ARRB2: variants seen among roughly 807,000 people sequenced by gnomAD.
The protein encoded by ARRB2 is arrestin beta 2.
A neutral mutation model predicts 53.4 loss-of-function variants in ARRB2; 21 were observed. The ratio of observed to expected loss-of-function variants is 0.39; its 90% CI spans 0.28 to 0.57. ARRB2 has a LOEUF of 0.57. Among genes scored for constraint, ARRB2 ranks in the 20% least tolerant of loss-of-function variants. The pLI is 0.55. For missense variants in ARRB2, 369 were observed against 527.5 expected, an observed-to-expected ratio of 0.70 and a Z score of 2.94; for synonymous variants, 180 against 212.9, an observed-to-expected ratio of 0.85 and a Z score of 1.34.
At chr17:4,715,360 A>C in intron 2 of ARRB2, 1 of 416,542 alleles carries the variant, frequency 2.4e-6, no homozygotes, top group Non-Finnish European at 4.3e-6. Flanking sequence ...GGAAAACCTA[A>C]CAGCCCCCGG....
rs1449439963 is a variant in ARRB2, at chr17:4,721,369, C to G, written c.*330C>G. The G allele has an allele frequency of 6.9e-6, 3 of 431,898 alleles. No homozygotes were observed. Among genetic ancestry groups the G allele is most frequent in the South Asian group, 7.1e-5 (1 of 14,034 alleles). 26.8% of individuals were successfully genotyped at this position (431,898 alleles called of 1,614,324 possible). A position where few individuals can be genotyped will look rare whatever the true frequency, so the allele number is the denominator to read the frequency against. The stretch of plus-strand genomic sequence containing the variant: ...GAAAGGGGGAGACAAAACTCCTACT[C>G]TCAACCTCACACCAACACCTCCCAT... On this transcript the variant is annotated 3_prime_UTR_variant, in exon 15 of 15. Transcript: ENST00000269260. The surrounding 1 kb of genome is among the most constrained non-coding windows in gnomAD (Gnocchi z 4.2).
chr17:4,719,351 G>T lies in ARRB2; in HGVS notation c.848G>T (p.Arg283Leu). 6.2e-7 allele frequency: 1 copy of T among 1,614,134 alleles called. No homozygotes were observed. Among genetic ancestry groups the T allele is most frequent in the Non-Finnish European group, 8.5e-7 (1 of 1,180,006 alleles). The change falls in exon 11 of 15, where the codon CGG becomes CTG. Residue 283 changes from arginine to leucine, a missense_variant. Coordinates refer to ENST00000269260, the MANE Select transcript of ARRB2 (RefSeq NM_004313.4). ...ATAACCCCACTGCTCAGCGACAACC[G>T]GGAGAAGCGGGGTCTCGCCCTGGAT... is the stretch of plus-strand genomic sequence containing the variant. ...YTITPLLSDN[R>L]EKRGLALDGK...
chr17:4,715,496 C>G (rs1914872593), intron 2 of ARRB2: 2 of 149,042 alleles, frequency 1.3e-5, no homozygotes, highest in South Asian at 7.0e-5. Flanking sequence ...GACACACACA[C>G]ACATACACAC....
In ARRB2 at chr17:4,718,245, C is replaced by A; in HGVS notation, c.622-16C>A. 6.2e-7 allele frequency: 1 copy of A among 1,606,274 alleles called. No homozygotes were observed. On this transcript the variant is annotated splice_polypyrimidine_tract_variant and intron_variant, in intron 8 of 14. Coordinates refer to ENST00000269260, the MANE Select transcript of ARRB2 (RefSeq NM_004313.4). ...GAAAACCAGTTCCAATTCACATGAC[C>A]CCCTCCCCCCAAAAGCTGTACTACC...
chr17:4,716,160 T>C lies in ARRB2; in HGVS notation c.129T>C (p.Leu43=). The change falls in exon 4 of 15, where the codon CTT becomes CTC. Residue 43 remains leucine, a synonymous_variant. Coordinates refer to ENST00000269260, the MANE Select transcript of ARRB2 (RefSeq NM_004313.4). ...TCCCCCTCCTAGATGGCGTGGTGCT[T>C]GTGGACCCTGACTACCTGAAGGACC... ...DKVDPVDGVV[L]VDPDYLKDRK... is the part of the protein sequence containing the mutation. 1 of 1,613,946 alleles carries C rather than the reference T, an allele frequency of 6.2e-7. No individual in the cohort carries two copies. The highest frequency in any genetic ancestry group is 2.2e-5 in the East Asian group (1 of 44,864).
chr17:4,720,133 C>T (rs995051732), intron 11 of ARRB2, 83 bp from the exon 12 acceptor site: 4 of 1,437,196 alleles, frequency 2.8e-6, no homozygotes, highest in Non-Finnish European at 3.8e-6. Flanking sequence ...TGTGGTCCTG[C>T]CCAGAGTCCC....
intron 10 of ARRB2, 148 bp from the exon 11 acceptor site, chr17:4,719,135 A>T: frequency 1.1e-6 from 1 of 890,484 alleles, no homozygotes; most frequent in Non-Finnish European, 1.7e-6. Flanking sequence ...AATTTTCTTG[A>T]GCACGTTGAG....
At chr17:4,718,391 G>C (rs1287031741) in intron 9 of ARRB2, 46 bp downstream of exon 9, 1 of 1,562,298 alleles carries the variant, frequency 6.4e-7, no homozygotes, top group African/African-American at 1.4e-5. Flanking sequence ...GGGCGTTACT[G>C]CACAGGTGGC....
chr17:4,718,699 A>G lies in ARRB2; in HGVS notation c.779+15A>G. The G allele has an allele frequency of 6.2e-7, 1 of 1,611,140 alleles. No individual in the cohort carries two copies. Among genetic ancestry groups the G allele is most frequent in the Non-Finnish European group, 8.5e-7 (1 of 1,178,320 alleles). ...CTCGAACAAGAGTGAGTATCGGGAG[A>G]GACCCATGTTCCAATCTAGGGGAGA... On this transcript the variant is annotated intron_variant, in intron 10 of 14. Coordinates refer to ENST00000269260, the MANE Select transcript of ARRB2 (RefSeq NM_004313.4).
chr17:4,713,354 C>T (rs912214403), intron 1 of ARRB2, among the ~76,000 whole-genome samples: 3 of 151,958 alleles, frequency 2.0e-5, no homozygotes, highest in African/African-American at 7.3e-5. Flanking sequence ...AATTAGCGGC[C>T]GGGCGTGGTG....
At chr17:4,720,064 C>T (rs1267520216) in intron 11 of ARRB2, 152 bp from the exon 12 acceptor site, 31 of 719,172 alleles carry the variant, frequency 4.3e-5, no homozygotes, top group Non-Finnish European at 5.9e-5. Flanking sequence ...GAGTGCAGTG[C>T]GCACTGTACC....
intron 1 of ARRB2, among the ~76,000 whole-genome samples, chr17:4,713,359 G>A (rs902703819): frequency 6.8e-5 from 10 of 146,530 alleles, no homozygotes; most frequent in African/African-American, 2.0e-4. Context: ...GCGGCCGGGC[G>A]TGGTGGCTCA....
At chr17:4,720,323 G>T (rs367856076) in intron 12 of ARRB2, 24 bp downstream of exon 12, 4 of 1,613,784 alleles carry the variant, frequency 2.5e-6, no homozygotes, top group Admixed American at 3.3e-5. Context: ...GGGAGCCTGG[G>T]TGGGGGTCAC....
intron 10 of ARRB2, 98 bp downstream of exon 10, chr17:4,718,782 C>CTTTTTTTTTTTTTTTTTTTTTTTT (rs11463798): frequency 1.2e-6 from 1 of 825,416 alleles, no homozygotes. Flanking sequence ...CCATCTCCAC[C>CTTTTTTTTTTTTTTTTTTTTTTTT]TTTTTTTTTT....
At position 4,715,032 on chromosome 17, in the gene ARRB2, C is replaced by A. The variant is rs1442838861; in HGVS notation, c.43C>A (p.Pro15Thr). The part of the protein sequence containing the change: ...PGTRVFKKSS[P>T]NCKLTVYLGK... ...TGTTAGGGTCTTCAAGAAGTCGAGC[C>A]CTAACTGCAAGGTGAGTCTCCACAG... The change falls in exon 2 of 15, where the codon CCT (proline) becomes ACT (threonine). Residue 15 changes from proline to threonine, a missense_variant. Pro to Thr is a conservative substitution (Grantham distance 38). Coordinates refer to ENST00000269260, the MANE Select transcript of ARRB2 (RefSeq NM_004313.4). 6.2e-7 allele frequency: 1 copy of A among 1,605,654 alleles called. No homozygotes were observed. The highest frequency in any genetic ancestry group is 8.5e-7 in the Non-Finnish European group (1 of 1,175,958).
chr17:4,718,390 T>C (rs1352907136), intron 9 of ARRB2, 45 bp downstream of exon 9: 4 of 1,567,660 alleles, frequency 2.6e-6, no homozygotes, highest in Non-Finnish European at 3.5e-6. Flanking sequence ...AGGGCGTTAC[T>C]GCACAGGTGG....
chr17:4,720,842 G>T (rs747138030), intron 14 of ARRB2, 104 bp from the exon 15 acceptor site: 16 of 1,250,712 alleles, frequency 1.3e-5, no homozygotes, highest in Non-Finnish European at 1.7e-5. Context: ...ACTGCTGTTC[G>T]AACGCCTCTG....
At position 4,720,298 on chromosome 17, in the gene ARRB2, G is replaced by C; in HGVS notation, c.1000G>C (p.Gly334Arg). Reference sequence around the variant, plus strand: ...GGTGAAGCTGGTGGTGTCTCGAGGCGGGTGAGTGTCATGGGGGAGCCTGGG... The same window carrying C: ...GGTGAAGCTGGTGGTGTCTCGAGGCCGGTGAGTGTCATGGGGGAGCCTGGG... Reference protein sequence around the residue: ...VKVKLVVSRGGDVSVELPFVL... With the variant: ...VKVKLVVSRGRDVSVELPFVL... Residue 334 changes from glycine to arginine, a missense_variant and splice_region_variant, in exon 12 of 15, where the codon GGG becomes CGG. Coordinates refer to ENST00000269260, the MANE Select transcript of ARRB2 (RefSeq NM_004313.4). The C allele has an allele frequency of 6.2e-7, 1 of 1,613,912 alleles. No individual in the cohort carries two copies. The highest frequency in any genetic ancestry group is 8.5e-7 in the Non-Finnish European group (1 of 1,179,936).
chr17:4,719,532 T>G, intron 11 of ARRB2, 112 bp downstream of exon 11: 1 of 1,442,680 alleles, frequency 6.9e-7, no homozygotes, highest in Non-Finnish European at 9.3e-7. Flanking sequence ...CAAAAAGAAC[T>G]CTTACATTCT....
Sources: allele counts gnomAD v4.1 joint callset (sites outside exome capture counted in the v4.1 genomes callset), GRCh38; gene constraint gnomAD v4.1.1; non-coding constraint Gnocchi (gnomAD v3.1); transcripts MANE v1.5; gene names NCBI Gene and HGNC (gene_info 2026-07-23, HGNC 2026-07-21).